GRIN2B: variants seen among roughly 807,000 people sequenced by gnomAD.
The protein encoded by GRIN2B is glutamate ionotropic receptor NMDA type subunit 2B.
GRIN2B carries 5 observed loss-of-function variants against 114.5 expected under a neutral mutation model. That is an observed-to-expected ratio of 0.04 (90% CI 0.02 to 0.09). The LOEUF (loss-of-function observed/expected upper bound fraction) is 0.09. Ranked by LOEUF, GRIN2B falls within the 10% of genes least tolerant of loss-of-function variation. The probability of loss-of-function intolerance (pLI) is 1.00; values close to 1 mark genes in which losing one functional copy is unlikely to be tolerated. For synonymous variants in GRIN2B, 787 were observed against 745.1 expected, an observed-to-expected ratio of 1.06 and a Z score of -0.92; for missense variants, 1,108 against 1,943.5, an observed-to-expected ratio of 0.57 and a Z score of 8.08.
At chr12:13,771,712 T>G (rs1353452107) in intron 3 of GRIN2B, among the ~76,000 whole-genome samples, 1 of 152,248 alleles carries the variant, frequency 6.6e-6, no homozygotes, top group Non-Finnish European at 1.5e-5. Context: ...TCATTAAGTG[T>G]GAATCTATTG....
intron 4 of GRIN2B, among the ~76,000 whole-genome samples, chr12:13,732,372 C>T (rs1863099597): frequency 6.6e-6 from 1 of 152,184 alleles, no homozygotes; most frequent in Non-Finnish European, 1.5e-5. Context: ...ATATAACCCT[C>T]ACATAAACAT....
chr12:13,658,985 T>A (rs1292296588), intron 5 of GRIN2B, among the ~76,000 whole-genome samples: 2 of 152,158 alleles, frequency 1.3e-5, no homozygotes, highest in Non-Finnish European at 2.9e-5. Context: ...CCCAGAGGCA[T>A]GTCCTGTAGC....
intron 3 of GRIN2B, among the ~76,000 whole-genome samples, chr12:13,864,355 T>A (rs913433008): frequency 7.9e-5 from 12 of 151,356 alleles, no homozygotes; most frequent in African/African-American, 2.9e-4. Flanking sequence ...CCAGGCAGCA[T>A]GCTTGTGGTG....
At chr12:13,647,751 G>C (rs1949775146) in intron 5 of GRIN2B, among the ~76,000 whole-genome samples, 1 of 152,000 alleles carries the variant, frequency 6.6e-6, no homozygotes, top group South Asian at 2.1e-4. Context: ...TCTTCCAAAA[G>C]ATAACTGCTC....
At chr12:13,930,216 A>G (rs1462876224) in intron 2 of GRIN2B, among the ~76,000 whole-genome samples, 2 of 152,146 alleles carry the variant, frequency 1.3e-5, no homozygotes, top group African/African-American at 2.4e-5. Flanking sequence ...AATAAATAAT[A>G]CAAGTTATTA....
intron 4 of GRIN2B, among the ~76,000 whole-genome samples, chr12:13,742,366 A>G (rs1194834178): frequency 6.6e-6 from 1 of 152,226 alleles, no homozygotes; most frequent in Non-Finnish European, 1.5e-5. Context: ...GAAATCATAT[A>G]AACAAATATC....
At chr12:13,937,399 G>T (rs931164467) in intron 2 of GRIN2B, among the ~76,000 whole-genome samples, 6 of 151,746 alleles carry the variant, frequency 4.0e-5, no homozygotes, top group Non-Finnish European at 7.4e-5. Flanking sequence ...GATCTTGAAA[G>T]TAGCCAGTAA....
At chr12:13,667,937 A>G (rs1396490185) in intron 5 of GRIN2B, among the ~76,000 whole-genome samples, 1 of 152,184 alleles carries the variant, frequency 6.6e-6, no homozygotes, top group East Asian at 1.9e-4. Flanking sequence ...TAACCTAGAT[A>G]TAAACATAGA....
intron 3 of GRIN2B, among the ~76,000 whole-genome samples, chr12:13,784,775 G>A (rs1170191222): frequency 6.6e-6 from 1 of 152,178 alleles, no homozygotes; most frequent in Non-Finnish European, 1.5e-5. Context: ...TGTCCCAACT[G>A]AGGTTATCCT....
intron 5 of GRIN2B, among the ~76,000 whole-genome samples, chr12:13,630,715 C>G (rs1949609078): frequency 6.6e-6 from 1 of 152,126 alleles, no homozygotes; most frequent in East Asian, 1.9e-4. Flanking sequence ...CCAAAAACCA[C>G]TAATTCAAAC....
At chr12:13,788,532 G>A (rs779402830) in intron 3 of GRIN2B, among the ~76,000 whole-genome samples, 14 of 152,218 alleles carry the variant, frequency 9.2e-5, no homozygotes, top group African/African-American at 2.6e-4. Flanking sequence ...ACCCAACCTC[G>A]TTTTAAAAAT....
At chr12:13,743,253 A>G (rs960021390) in intron 4 of GRIN2B, among the ~76,000 whole-genome samples, 4 of 152,202 alleles carry the variant, frequency 2.6e-5, no homozygotes, top group Admixed American at 2.6e-4. Context: ...TTTAGCTCAG[A>G]GCCCTTTTCT....
At chr12:13,816,235 T>C (rs538168233) in intron 3 of GRIN2B, among the ~76,000 whole-genome samples, 1 of 152,160 alleles carries the variant, frequency 6.6e-6, no homozygotes, top group African/African-American at 2.4e-5. Context: ...AAAAAATAGG[T>C]ACAAGGACCT....
In GRIN2B at chr12:13,753,014, G is replaced by A. The variant is rs1216993647; in HGVS notation, c.1010+303C>T. Among the ~76,000 whole-genome samples the A allele has an allele frequency of 1.3e-5, 2 of 152,196 alleles. No individual in the cohort carries two copies. The highest frequency in any genetic ancestry group is 2.9e-5 in the Non-Finnish European group (2 of 68,040). ...ACCTCCAAGCCTATTCTTTCGTATT[G>A]TAAAATAGAAACAATTGTTAAAACC... On this transcript the variant is annotated intron_variant, in intron 4 of 13. Coordinates refer to ENST00000609686, the MANE Select transcript of GRIN2B (RefSeq NM_000834.5). The surrounding 1 kb of genome is among the most constrained non-coding windows in gnomAD (Gnocchi z 6.2).
chr12:13,786,863 G>A (rs915427533), intron 3 of GRIN2B, among the ~76,000 whole-genome samples: 2 of 152,048 alleles, frequency 1.3e-5, no homozygotes, highest in Admixed American at 6.5e-5. Flanking sequence ...TGGGGGCTGG[G>A]AGGGAGCAGG....
intron 10 of GRIN2B, among the ~76,000 whole-genome samples, chr12:13,577,660 T>C (rs1253947340): frequency 6.6e-6 from 1 of 152,258 alleles, no homozygotes; most frequent in Middle Eastern, 3.2e-3. Context: ...TAATTGCCAC[T>C]CTTATTCAAT....
intron 2 of GRIN2B, among the ~76,000 whole-genome samples, chr12:13,964,597 G>A (rs1867757030): frequency 6.6e-6 from 1 of 152,178 alleles, no homozygotes. Context: ...TCATAGATGG[G>A]CTTCAGGGAT....
intron 5 of GRIN2B, among the ~76,000 whole-genome samples, chr12:13,621,765 G>A (rs1039717963): frequency 8.6e-5 from 13 of 151,860 alleles, no homozygotes; most frequent in African/African-American, 3.1e-4. Context: ...ACCTTCGAGT[G>A]GACTTGGCTC....
At chr12:13,704,212 G>T (rs1370907976) in intron 4 of GRIN2B, among the ~76,000 whole-genome samples, 1 of 152,104 alleles carries the variant, frequency 6.6e-6, no homozygotes, top group African/African-American at 2.4e-5. Flanking sequence ...GATGCTCAAG[G>T]GTAGGATGCA....
Sources: gnomAD v4.1 joint callset for allele counts (sites outside exome capture counted in the v4.1 genomes callset) on GRCh38, gnomAD v4.1.1 for gene constraint, Gnocchi (gnomAD v3.1) non-coding constraint, MANE v1.5 for transcripts, NCBI Gene and HGNC (gene_info 2026-07-23, HGNC 2026-07-21) for gene names.